Variants in SPTBN1 observed in about 807,000 individuals in gnomAD.
SPTBN1 encodes spectrin beta, non-erythrocytic 1.
In SPTBN1, 32 loss-of-function variants were observed where a neutral mutation model predicts 266.4. The observed-to-expected ratio is 0.12, with a 90% confidence interval of 0.09 to 0.16. The LOEUF is 0.16. Among genes scored for constraint, SPTBN1 ranks in the 10% least tolerant of loss-of-function variants. SPTBN1 has a pLI of 1.00. For missense variants in SPTBN1, 2,296 were observed against 3,067.1 expected, an observed-to-expected ratio of 0.75 and a Z score of 5.94; for synonymous variants, 1,336 against 1,162.2, an observed-to-expected ratio of 1.15 and a Z score of -3.04.
Position 54,599,930 on chromosome 2 carries a change from A to G in SPTBN1, c.300+687A>G, listed in dbSNP as rs1373988848. Among the ~76,000 whole-genome samples, 5 of 152,316 alleles carry G rather than the reference A, an allele frequency of 3.3e-5. No homozygotes were observed. In the East Asian group the frequency reaches 9.7e-4, roughly 29 times the overall value. The stretch of plus-strand genomic sequence containing the variant: ...AAGCAGTCACTGTGACTGATCCAAC[A>G]GGTTTTGTCTCACCTTGGTTTGAAA... On this transcript the variant is annotated intron_variant, in intron 3 of 35. Transcript: ENST00000356805.
At chr2:54,623,771 G>T (rs994866847) in intron 10 of SPTBN1, among the ~76,000 whole-genome samples, 175 bp downstream of exon 10, 5 of 152,172 alleles carry the variant, frequency 3.3e-5, no homozygotes, top group African/African-American at 1.2e-4. Context: ...CAATGGTACC[G>T]GGTTAGGCTG....
intron 1 of SPTBN1, among the ~76,000 whole-genome samples, chr2:54,465,637 C>T (rs1301866802): frequency 1.1e-5 from 1 of 89,724 alleles, no homozygotes; most frequent in East Asian, 3.4e-4. Context: ...TCATGTTTAT[C>T]TCATATATAT....
At chr2:54,573,922 G>A (rs1027065397) in intron 2 of SPTBN1, among the ~76,000 whole-genome samples, 2 of 131,244 alleles carry the variant, frequency 1.5e-5, no homozygotes, top group African/African-American at 3.7e-5. Context: ...TTGTACACCT[G>A]CAAAACAGAA....
chr2:54,654,482 G>C (rs1471465718), intron 27 of SPTBN1, among the ~76,000 whole-genome samples: 1 of 152,168 alleles, frequency 6.6e-6, no homozygotes, highest in Non-Finnish European at 1.5e-5. Context: ...GAGAAACTAT[G>C]CTGCAATAAA....
At chr2:54,667,727 T>C in intron 35 of SPTBN1, 81 bp downstream of exon 35, 1 of 1,278,590 alleles carries the variant, frequency 7.8e-7, no homozygotes, top group Non-Finnish European at 1.1e-6. Flanking sequence ...TTCAGAAAGT[T>C]CTTCATGTAA....
At chr2:54,483,923 G>A (rs1316348045) in intron 1 of SPTBN1, among the ~76,000 whole-genome samples, 2 of 152,298 alleles carry the variant, frequency 1.3e-5, no homozygotes, top group African/African-American at 4.8e-5. Context: ...GGCTGGGCAT[G>A]GTAGCTCATG....
rs1218088078 is a variant in SPTBN1, at chr2:54,485,811, G to A, written c.-48+29293G>A. ...GAGCGTCTCTGCCCGGCCGCCCGTC[G>A]TCTGAGATGTGGGGAGCGCCTCTGC... On this transcript the variant is annotated intron_variant, in intron 1 of 35. Coordinates refer to ENST00000356805, the MANE Select transcript of SPTBN1 (RefSeq NM_003128.3). Among the ~76,000 whole-genome samples the A allele has an allele frequency of 2.8e-5, 4 of 144,512 alleles. No individual in the cohort carries two copies. The South Asian group carries it at 6.7e-4, about 24-fold the overall frequency. The allele number at this position is 144,512 out of a possible 152,430, so 94.8% of individuals were successfully genotyped here.
chr2:54,632,662 A>G lies in SPTBN1; in HGVS notation c.3661A>G (p.Asn1221Asp). ...GGACTTCATGACCACCATGGACGCC[A>G]ATGAGGAGAAGATCAATGCTGTGGT... is the stretch of plus-strand genomic sequence containing the variant. ...QEDFMTTMDA[N>D]EEKINAVVET... The change falls in exon 17 of 36, where the codon AAT becomes GAT. Residue 1221 changes from asparagine (N) to aspartate (D), a missense_variant. Asn to Asp is a conservative substitution (Grantham distance 23). Around this residue, in one of 12 missense-constraint regions of SPTBN1, gnomAD observed 386 missense variants for 486.1 expected, o/e 0.79. Coordinates refer to ENST00000356805, the MANE Select transcript of SPTBN1 (RefSeq NM_003128.3). 6.2e-7 allele frequency: 1 copy of G among 1,614,240 alleles called. No individual in the cohort carries two copies. The highest frequency in any genetic ancestry group is 8.5e-7 in the Non-Finnish European group (1 of 1,180,044).
At chr2:54,566,185 C>CTTTTTTTTTTTT (rs59369956) in intron 2 of SPTBN1, among the ~76,000 whole-genome samples, 2 of 125,224 alleles carry the variant, frequency 1.6e-5, no homozygotes, top group East Asian at 2.2e-4. Context: ...TTTCTTTTTT[C>CTTTTTTTTTTTT]TTTTTTTTTT....
At chr2:54,507,023 A>G (rs1234228164) in intron 1 of SPTBN1, among the ~76,000 whole-genome samples, 1 of 150,898 alleles carries the variant, frequency 6.6e-6, no homozygotes, top group African/African-American at 2.4e-5. Flanking sequence ...TAGGCGGTGG[A>G]GTTAAGAGCA....
intron 2 of SPTBN1, among the ~76,000 whole-genome samples, chr2:54,581,181 A>G (rs1558865335): frequency 2.6e-5 from 4 of 152,210 alleles, no homozygotes. Flanking sequence ...GTTTTGAAAT[A>G]CACGTGCATT....
At chr2:54,482,148 G>C (rs1384527930) in intron 1 of SPTBN1, among the ~76,000 whole-genome samples, 1 of 152,134 alleles carries the variant, frequency 6.6e-6, no homozygotes, top group Non-Finnish European at 1.5e-5. Flanking sequence ...ATTAATGGTA[G>C]ACATTTTCAC....
intron 2 of SPTBN1, among the ~76,000 whole-genome samples, chr2:54,596,633 A>G (rs1445793394): frequency 6.6e-6 from 1 of 152,182 alleles, no homozygotes; most frequent in Non-Finnish European, 1.5e-5. Flanking sequence ...GGAGAGTTCG[A>G]AGGGAGGGGA....
At chr2:54,657,675 A>G (rs1196521842) in intron 29 of SPTBN1, among the ~76,000 whole-genome samples, 175 bp from the exon 30 acceptor site, 1 of 152,214 alleles carries the variant, frequency 6.6e-6, no homozygotes, top group African/African-American at 2.4e-5. Flanking sequence ...TGGAAAAGTC[A>G]AAGTTGCAAG....
At chr2:54,584,163 C>G (rs1675129757) in intron 2 of SPTBN1, among the ~76,000 whole-genome samples, 1 of 152,130 alleles carries the variant, frequency 6.6e-6, no homozygotes, top group African/African-American at 2.4e-5. Context: ...CTCTTGCATT[C>G]AGTAATATTA....
chr2:54,562,533 C>CTTTTTTTCTTTTCT (rs746897447), intron 2 of SPTBN1, among the ~76,000 whole-genome samples: 3 of 126,826 alleles, frequency 2.4e-5, no homozygotes, highest in Admixed American at 8.2e-5. Context: ...TTTTCTTTTT[C>CTTTTTTTCTTTTCT]TTTTTTTTTT....
chr2:54,526,670 T>A, intron 2 of SPTBN1, 104 bp downstream of exon 2: 2 of 1,365,166 alleles, frequency 1.5e-6, no homozygotes, highest in Non-Finnish European at 1.9e-6. Context: ...TCGAAGGTTG[T>A]CTCACTTCTA....
In SPTBN1 at chr2:54,664,337, C is replaced by T; in HGVS notation, c.6421-116C>T. ...GTGGGTGTGCAATGGTTTTACTGTA[C>T]TGCCTCGATCTGTGCCAGGCATTTA... On this transcript the variant is annotated intron_variant, in intron 32 of 35. Coordinates refer to ENST00000356805, the MANE Select transcript of SPTBN1 (RefSeq NM_003128.3). The surrounding 1 kb of genome is among the most constrained non-coding windows in gnomAD (Gnocchi z 5.6). 1.9e-6 allele frequency: 2 copies of T among 1,060,432 alleles called. No homozygotes were observed. The highest frequency in any genetic ancestry group is 2.8e-6 in the Non-Finnish European group (2 of 718,398). The allele number at this position is 1,060,432 out of a possible 1,614,324, so 65.7% of individuals were successfully genotyped here. A position where few individuals can be genotyped will look rare whatever the true frequency, so the allele number is the denominator to read the frequency against.
intron 1 of SPTBN1, among the ~76,000 whole-genome samples, chr2:54,492,404 C>T (rs1315176964): frequency 7.8e-6 from 1 of 127,648 alleles, no homozygotes; most frequent in Non-Finnish European, 1.6e-5. Context: ...TCACTGCATT[C>T]ATATTTTTAT....
Sources: allele counts gnomAD v4.1 joint callset (sites outside exome capture counted in the v4.1 genomes callset), GRCh38; gene constraint gnomAD v4.1.1; regional missense constraint gnomAD v4.1.1; non-coding constraint Gnocchi (gnomAD v3.1); transcripts MANE v1.5; gene names NCBI Gene and HGNC (gene_info 2026-07-23, HGNC 2026-07-21).